Variants in PEBP4 observed in about 807,000 individuals in gnomAD.
PEBP4 encodes the protein phosphatidylethanolamine-binding protein 4.
PEBP4 carries 22 observed loss-of-function variants against 23.9 expected under a neutral mutation model. That is an observed-to-expected ratio of 0.92 (90% confidence interval 0.66 to 1.31). The LOEUF (loss-of-function observed/expected upper bound fraction) is 1.31, where lower values mean the gene tolerates loss of function less well. Among genes scored for constraint, PEBP4 ranks in the 40% most tolerant of loss-of-function variants. The probability of loss-of-function intolerance (pLI) is 0.00; values close to 1 mark genes in which losing one functional copy is unlikely to be tolerated. For synonymous variants in PEBP4, 112 were observed against 99.3 expected (o/e 1.13, Z -0.76); for missense variants, 324 against 281.7 (o/e 1.15, Z -1.07).
intron 3 of PEBP4, chr8:22,895,618 T>G (rs1399335624): frequency 6.6e-6 from 1 of 152,094 alleles, no homozygotes; most frequent in Non-Finnish European, 1.5e-5. Flanking sequence ...TTCAAATAGT[T>G]CTACTCTGCT....
intron 4 of PEBP4, among the ~76,000 whole-genome samples, chr8:22,731,532 A>C (rs1338476303): frequency 6.6e-6 from 1 of 152,254 alleles, no homozygotes; most frequent in Non-Finnish European, 1.5e-5. Context: ...ACAGTAGGCT[A>C]TTAGTAGTTA....
intron 4 of PEBP4, among the ~76,000 whole-genome samples, chr8:22,796,602 A>G (rs752156537): frequency 2.6e-5 from 4 of 152,216 alleles, no homozygotes; most frequent in Non-Finnish European, 5.9e-5. Context: ...CACTTGCTGC[A>G]TACCAAGGAA....
At chr8:22,898,142 A>C (rs981354980) in intron 3 of PEBP4, among the ~76,000 whole-genome samples, 2 of 151,898 alleles carry the variant, frequency 1.3e-5, no homozygotes, top group Non-Finnish European at 2.9e-5. Context: ...CTGTAATCCC[A>C]GCACTTTGGG....
At chr8:22,765,591 T>C (rs1397404716) in intron 4 of PEBP4, among the ~76,000 whole-genome samples, 1 of 152,260 alleles carries the variant, frequency 6.6e-6, no homozygotes, top group African/African-American at 2.4e-5. Context: ...AAAGCTAGCA[T>C]AATAGAAAAC....
rs556538385 is a variant in PEBP4 at position 22,904,981 on chromosome 8, T to TAATCTGCAGG, written c.258+15202_258+15203insCCTGCAGATT. 9.2e-5 allele frequency among the ~76,000 whole-genome samples: 14 copies of TAATCTGCAGG among 152,334 alleles called. No homozygotes were observed. In the South Asian group the frequency reaches 2.9e-3, roughly 32 times the overall value. On this transcript the variant is annotated intron_variant, in intron 3 of 6. Coordinates refer to ENST00000256404, the MANE Select transcript of PEBP4 (RefSeq NM_144962.3). ...TTTATGTGTTTCTCTGATTAAGTAATCAGATTAGAATAAATTCCTAGAGCT... is the reference window on the plus strand; with the variant it reads ...TTTATGTGTTTCTCTGATTAAGTAATAATCTGCAGGCAGATTAGAATAAATTCCTAGAGCT...
chr8:22,931,622 C>T (rs1245961277), upstream of PEBP4, among the ~76,000 whole-genome samples: 1 of 151,998 alleles, frequency 6.6e-6, no homozygotes, highest in Non-Finnish European at 1.5e-5. Context: ...GTCTCGCTGT[C>T]ACCGGGGCTG....
chr8:22,836,686 C>T (rs535549992), intron 3 of PEBP4, among the ~76,000 whole-genome samples: 50 of 152,332 alleles, frequency 3.3e-4, no homozygotes, highest in African/African-American at 1.2e-3. Flanking sequence ...ACTCTGTCCC[C>T]TCCTCAAAGT....
chr8:22,906,600 A>G (rs1192892107), intron 3 of PEBP4, among the ~76,000 whole-genome samples: 3 of 152,248 alleles, frequency 2.0e-5, no homozygotes, highest in African/African-American at 4.8e-5. Flanking sequence ...AGGCTGCACT[A>G]GTCACATGGG....
chr8:22,817,522 G>C, intron 4 of PEBP4, 115 bp downstream of exon 4: 1 of 941,504 alleles, frequency 1.1e-6, no homozygotes, highest in South Asian at 1.5e-5. Context: ...TGGGGGAGAT[G>C]GGACACAGAA....
chr8:22,841,171 A>G (rs940946605), intron 3 of PEBP4, among the ~76,000 whole-genome samples: 9 of 152,264 alleles, frequency 5.9e-5, no homozygotes, highest in African/African-American at 1.7e-4. Flanking sequence ...AACTTGCCCA[A>G]GGGCACATCA....
At chr8:22,863,571 C>T (rs151210733) in intron 3 of PEBP4, among the ~76,000 whole-genome samples, 172 of 152,274 alleles carry the variant, frequency 1.1e-3, no homozygotes, top group African/African-American at 3.9e-3. Flanking sequence ...TCCCTGCATC[C>T]TTCTATCTCT....
At chr8:22,783,445 C>T (rs993311521) in intron 4 of PEBP4, among the ~76,000 whole-genome samples, 5 of 152,284 alleles carry the variant, frequency 3.3e-5, no homozygotes, top group South Asian at 2.1e-4. Context: ...GTAGGGGTGA[C>T]GCCCTCCAAA....
intron 4 of PEBP4, among the ~76,000 whole-genome samples, chr8:22,735,252 G>A (rs1021539792): frequency 6.6e-6 from 1 of 152,168 alleles, no homozygotes. Context: ...AGGCCATGCT[G>A]GGGGGAGCAG....
chr8:22,714,850 A>G (rs1804381349), intron 6 of PEBP4, among the ~76,000 whole-genome samples: 1 of 152,200 alleles, frequency 6.6e-6, no homozygotes, highest in Non-Finnish European at 1.5e-5. Context: ...CATTTCAAAG[A>G]TGTTCTCAAG....
intron 3 of PEBP4, among the ~76,000 whole-genome samples, chr8:22,827,736 T>C (rs929965199): frequency 5.3e-5 from 8 of 152,256 alleles, no homozygotes; most frequent in Admixed American, 3.9e-4. Flanking sequence ...TTCAATTCTC[T>C]TGCTTAGACG....
chr8:22,863,630 T>C (rs1241784883), intron 3 of PEBP4, among the ~76,000 whole-genome samples: 1 of 152,206 alleles, frequency 6.6e-6, no homozygotes, highest in African/African-American at 2.4e-5. Flanking sequence ...CTCACTGCTC[T>C]GATCTGTTCA....
chr8:22,746,958 TGG>T (rs1805134483), intron 4 of PEBP4, among the ~76,000 whole-genome samples: 1 of 152,188 alleles, frequency 6.6e-6, no homozygotes, highest in African/African-American at 2.4e-5. Flanking sequence ...CCCAAGCAGC[TGG>T]GACTATGGGC....
rs7001121 is a variant in PEBP4, at chr8:22,860,194, A to G, written c.259-42459T>C. ...TATATATATATACACATATATATGTATATATATATATACACATATATGTAT... is the reference window on the plus strand; with the variant it reads ...TATATATATATACACATATATATGTGTATATATATATACACATATATGTAT... On this transcript the variant is annotated intron_variant, in intron 3 of 6. Transcript: ENST00000256404. 2.1e-3 allele frequency among the ~76,000 whole-genome samples: 201 copies of G among 97,342 alleles called. 4 individuals carry two copies. The highest frequency in any genetic ancestry group is 9.2e-3 in the African/African-American group (172 of 18,712). 63.9% of individuals were successfully genotyped at this position (97,342 alleles called of 152,430 possible).
chr8:22,858,365 A>G (rs183843326), intron 3 of PEBP4, among the ~76,000 whole-genome samples: 108 of 152,330 alleles, frequency 7.1e-4, no homozygotes, highest in Middle Eastern at 3.4e-3. Context: ...CCTTATCATC[A>G]ATCTCAGAAT....
Sources: gnomAD v4.1 joint callset for allele counts (sites outside exome capture counted in the v4.1 genomes callset) on GRCh38, gnomAD v4.1.1 for gene constraint, MANE v1.5 for transcripts, NCBI Gene and HGNC (gene_info 2026-07-23, HGNC 2026-07-21) for gene names.